GRAMD1B: variants seen among roughly 807,000 people sequenced by gnomAD.
GRAMD1B encodes GRAM domain containing 1B, also known as protein Aster-B.
In GRAMD1B, 37 loss-of-function variants were observed where a neutral mutation model predicts 99.7. The ratio of observed to expected loss-of-function variants is 0.37; its 90% CI spans 0.29 to 0.49. The LOEUF (loss-of-function observed/expected upper bound fraction) is 0.49, where lower values mean the gene tolerates loss of function less well. GRAMD1B is among the 20% of genes least tolerant of loss of function. GRAMD1B has a pLI of 0.98. For missense variants in GRAMD1B, 888 were observed against 1,009.2 expected, an observed-to-expected ratio of 0.88 and a Z score of 1.63; for synonymous variants, 427 against 387.6, an observed-to-expected ratio of 1.10 and a Z score of -1.19.
chr11:123,369,450 A>G (rs1946443122), intron 1 of GRAMD1B, among the ~76,000 whole-genome samples: 2 of 152,198 alleles, frequency 1.3e-5, no homozygotes, highest in East Asian at 3.8e-4. Flanking sequence ...AATAAGAACA[A>G]ATAAACAAAG....
chr11:123,577,969 G>A (rs1948916906), intron 3 of GRAMD1B, among the ~76,000 whole-genome samples: 1 of 152,124 alleles, frequency 6.6e-6, no homozygotes, highest in African/African-American at 2.4e-5. Flanking sequence ...GAACCTTGCA[G>A]AATGCTATTT....
chr11:123,610,426 G>A lies in GRAMD1B; in HGVS notation c.1919+88G>A. 7.5e-7 allele frequency: 1 copy of A among 1,339,678 alleles called. No individual in the cohort carries two copies. The highest frequency in any genetic ancestry group is 1.1e-6 in the Non-Finnish European group (1 of 940,918). 83.0% of individuals were successfully genotyped at this position (1,339,678 alleles called of 1,614,324 possible). ...TGCTCCTGACGGGGAAGGAGGAGGTGGGGAGTGCTTGGCTGCTGACTCTCT... is the reference window on the plus strand; with the variant it reads ...TGCTCCTGACGGGGAAGGAGGAGGTAGGGAGTGCTTGGCTGCTGACTCTCT... On this transcript the variant is annotated intron_variant, in intron 14 of 19. Transcript: ENST00000635736. The surrounding 1 kb of genome is among the most constrained non-coding windows in gnomAD (Gnocchi z 4.1).
At chr11:123,445,818 C>CAAAAAAAAAAAAAA (rs36123733) in intron 1 of GRAMD1B, among the ~76,000 whole-genome samples, 1 of 94,140 alleles carries the variant, frequency 1.1e-5, no homozygotes. Flanking sequence ...CACTTGTCTC[C>CAAAAAAAAAAAAAA]AAAAAAAAAA....
chr11:123,435,483 T>C (rs1258003268), intron 1 of GRAMD1B: 4 of 702,296 alleles, frequency 5.7e-6, no homozygotes, highest in Non-Finnish European at 1.0e-5. Context: ...TGAAGAGGAT[T>C]AGGAGACCCT....
intron 10 of GRAMD1B, 120 bp from the exon 11 acceptor site, chr11:123,606,489 C>T (rs147373503): frequency 4.8e-5 from 41 of 854,180 alleles, no homozygotes; most frequent in South Asian, 2.3e-4. Context: ...ACTCTGACTT[C>T]GCTCCTGAGC....
chr11:123,474,998 T>C (rs1220747043), intron 1 of GRAMD1B, among the ~76,000 whole-genome samples: 1 of 152,194 alleles, frequency 6.6e-6, no homozygotes, highest in African/African-American at 2.4e-5. Flanking sequence ...CTATGACTCC[T>C]GTAGGGTTGC....
At chr11:123,440,549 G>A (rs1463250901) in intron 1 of GRAMD1B, among the ~76,000 whole-genome samples, 1 of 152,140 alleles carries the variant, frequency 6.6e-6, no homozygotes, top group Non-Finnish European at 1.5e-5. Context: ...TAATAAAATA[G>A]CTAGTTAATT....
chr11:123,413,524 A>T (rs923339917), intron 1 of GRAMD1B, among the ~76,000 whole-genome samples: 11 of 151,862 alleles, frequency 7.2e-5, no homozygotes, highest in African/African-American at 2.7e-4. Flanking sequence ...TTTTTTTTTA[A>T]TGGAGGCATG....
chr11:123,445,864 C>T (rs1949620265), intron 1 of GRAMD1B, among the ~76,000 whole-genome samples: 1 of 151,252 alleles, frequency 6.6e-6, no homozygotes, highest in Non-Finnish European at 1.5e-5. Context: ...AAAACAACCC[C>T]AGGAAAGAGG....
Position 123,606,617 on chromosome 11 carries a change from G to C in GRAMD1B, c.1332G>C (p.Gly444=), listed in dbSNP as rs759359467. 2 of 1,609,552 alleles carry C rather than the reference G, an allele frequency of 1.2e-6. No homozygotes were observed. The highest frequency in any genetic ancestry group is 2.2e-5 in the South Asian group (2 of 89,696). ...CTCTGTCTTGGCTCCAGTTTGATGG[G>C]CTGCCCCTGGAGGAAGAGGCGCTGG... is the stretch of plus-strand genomic sequence containing the variant. ...GSSEAPVSFD[G]LPLEEEALEG... Residue 444 remains glycine (G), a synonymous_variant, in exon 11 of 20, where the codon GGG becomes GGC. Transcript: ENST00000635736.
chr11:123,470,274 A>T lies in GRAMD1B; in HGVS notation c.375-10542A>T, dbSNP rs574644089. On this transcript the variant is annotated intron_variant, in intron 1 of 19. Coordinates refer to ENST00000635736, the MANE Select transcript of GRAMD1B (RefSeq NM_001387025.1). ...TATTATCTCCAACTCATCACACAAA[A>T]CCATACAAAAGCTAACCATTTCTTA... Among the ~76,000 whole-genome samples, 28 of 152,244 alleles carry T rather than the reference A, an allele frequency of 1.8e-4. No homozygotes were observed. In the East Asian group the frequency reaches 4.6e-3, roughly 25 times the overall value.
At chr11:123,577,117 C>T (rs923380979) in intron 2 of GRAMD1B, among the ~76,000 whole-genome samples, 4 of 152,222 alleles carry the variant, frequency 2.6e-5, no homozygotes, top group African/African-American at 9.6e-5. Flanking sequence ...GGATGCATGT[C>T]TAGATGTCGA....
At position 123,625,973 on chromosome 11, in the gene GRAMD1B, A is replaced by AGAGAGAGAGC. The variant is rs34697633; in HGVS notation, c.*3386_*3387insGCGAGAGAGA. 2.1e-4 allele frequency: 29 copies of AGAGAGAGAGC among 139,744 alleles called. No homozygotes were observed. The highest frequency in any genetic ancestry group is 3.8e-4 in the Non-Finnish European group (24 of 63,910). 8.7% of individuals were successfully genotyped at this position (139,744 alleles called of 1,614,324 possible). A position where few individuals can be genotyped will look rare whatever the true frequency, so the allele number is the denominator to read the frequency against. On this transcript the variant is annotated 3_prime_UTR_variant, in exon 20 of 20. Coordinates refer to ENST00000635736, the MANE Select transcript of GRAMD1B (RefSeq NM_001387025.1). The stretch of plus-strand genomic sequence containing the variant: ...GAGAGAGAGAGAGAGAGAGAGAGAG[A>AGAGAGAGAGC]GAGAGAGATCGAGCTTGATGTATTG...
rs1453444317 is a variant in GRAMD1B, at chr11:123,606,619, T to C, written c.1334T>C (p.Leu445Pro). 6.2e-7 allele frequency: 1 copy of C among 1,610,282 alleles called. No homozygotes were observed. The highest frequency in any genetic ancestry group is 1.7e-5 in the Admixed American group (1 of 59,520). ...SSEAPVSFDG[L>P]PLEEEALEGD... ...CTGTCTTGGCTCCAGTTTGATGGGC[T>C]GCCCCTGGAGGAAGAGGCGCTGGAG... Residue 445 changes from leucine to proline, a missense_variant, in exon 11 of 20, where the codon CTG (leucine) becomes CCG (proline). This residue lies in a region of GRAMD1B where 269 missense variants were observed against 296.6 expected (regional missense o/e 0.91). Coordinates refer to ENST00000635736, the MANE Select transcript of GRAMD1B (RefSeq NM_001387025.1).
intron 1 of GRAMD1B, among the ~76,000 whole-genome samples, chr11:123,390,844 C>T (rs1947252312): frequency 6.6e-6 from 1 of 152,206 alleles, no homozygotes; most frequent in South Asian, 2.1e-4. Flanking sequence ...CCCTTAGCTT[C>T]CCTTTCTTCC....
At position 123,430,993 on chromosome 11, in the gene GRAMD1B, C is replaced by A; in HGVS notation, c.201C>A (p.Val67=). 1 of 702,926 alleles carries A rather than the reference C, an allele frequency of 1.4e-6. No homozygotes were observed. Among genetic ancestry groups the A allele is most frequent in the Non-Finnish European group, 2.6e-6 (1 of 384,922 alleles). 43.5% of individuals were successfully genotyped at this position (702,926 alleles called of 1,614,324 possible). A position where few individuals can be genotyped will look rare whatever the true frequency, so the allele number is the denominator to read the frequency against. ...EAGLARDLPA[V]LAPGKEFLQL... ...GGCTGGCCCGGGACCTGCCCGCCGT[C>A]TTGGCCCCCGGCAAGGAGTTCCTGC... Residue 67 remains valine (V), a synonymous_variant, in exon 1 of 20, where the codon GTC becomes GTA. Coordinates refer to ENST00000635736, the MANE Select transcript of GRAMD1B (RefSeq NM_001387025.1).
rs145049755 is a variant in GRAMD1B, at chr11:123,605,699, G to A, written c.1323+221G>A. Among the ~76,000 whole-genome samples the A allele has an allele frequency of 3.0e-3, 457 of 152,290 alleles. 4 individuals are homozygous for A. Among genetic ancestry groups the A allele is most frequent in the Admixed American group, 0.012 (182 of 15,296 alleles). On this transcript the variant is annotated intron_variant, in intron 10 of 19. Transcript: ENST00000635736. Reference sequence around the variant, plus strand: ...CTAGGTGCCTGGGGTACAAGACTGGGTTTGACTTCTGAGCAGATGAAAACC... The same window carrying A: ...CTAGGTGCCTGGGGTACAAGACTGGATTTGACTTCTGAGCAGATGAAAACC...
At chr11:123,468,817 T>G (rs1242403481) in intron 1 of GRAMD1B, among the ~76,000 whole-genome samples, 7 of 118,670 alleles carry the variant, frequency 5.9e-5, no homozygotes, top group East Asian at 2.5e-4. Flanking sequence ...AAAAAAAAAG[T>G]AGTGCAGGGT....
chr11:123,616,230 G>A (rs1217423474), intron 17 of GRAMD1B, among the ~76,000 whole-genome samples: 1 of 152,218 alleles, frequency 6.6e-6, no homozygotes, highest in African/African-American at 2.4e-5. Flanking sequence ...GCTGAGGCAG[G>A]AGAATGGCGT....
Sources: gnomAD v4.1 joint callset for allele counts (sites outside exome capture counted in the v4.1 genomes callset) on GRCh38, gnomAD v4.1.1 for gene constraint, gnomAD v4.1.1 regional missense constraint, Gnocchi (gnomAD v3.1) non-coding constraint, MANE v1.5 for transcripts, NCBI Gene and HGNC (gene_info 2026-07-23, HGNC 2026-07-21) for gene names.